Variants in FRMD6 observed in about 807,000 individuals in gnomAD.
FRMD6 encodes FERM domain containing 6, also known as FERM domain-containing protein 6.
A neutral mutation model predicts 73.2 loss-of-function variants in FRMD6; 37 were observed. That is an observed-to-expected ratio of 0.51 (90% CI 0.39 to 0.66). The LOEUF (loss-of-function observed/expected upper bound fraction) is 0.66, where lower values mean the gene tolerates loss of function less well. Among genes scored for constraint, FRMD6 ranks in the 30% least tolerant of loss-of-function variants. The probability of loss-of-function intolerance (pLI) is 0.00; values close to 1 mark genes in which losing one functional copy is unlikely to be tolerated. For missense variants in FRMD6, 714 were observed against 780.5 expected (o/e 0.91, Z 1.02); for synonymous variants, 273 against 282.2 (o/e 0.97, Z 0.33).
At chr14:51,506,901 G>C (rs74052322) in intron 1 of FRMD6, among the ~76,000 whole-genome samples, 1 of 152,012 alleles carries the variant, frequency 6.6e-6, no homozygotes, top group African/African-American at 2.4e-5. Context: ...GTGATGCATC[G>C]TAGAATGAAA....
Position 51,704,937 on chromosome 14 carries a change from T to C in FRMD6, c.558+2T>C. 6.3e-7 allele frequency: 1 copy of C among 1,596,202 alleles called. No individual in the cohort carries two copies. Among genetic ancestry groups the C allele is most frequent in the Non-Finnish European group, 8.6e-7 (1 of 1,166,834 alleles). ...CCAGAGGCTTACTTCCCATCTTGGG[T>C]AAGCACTGTTTTCAAATTCGAAAGA... On this transcript the variant is annotated splice_donor_variant, in intron 6 of 13. Transcript: ENST00000344768. LOFTEE classifies it high-confidence loss of function.
At chr14:51,457,358 A>C in the FRMD6 span, among the ~76,000 whole-genome samples, 1 of 152,206 alleles carries the variant, frequency 6.6e-6, no homozygotes, top group Non-Finnish European at 1.5e-5. Context: ...ACTAGAAAAA[A>C]AAACAACAAA....
At chr14:51,700,087 G>A (rs964983155) in intron 3 of FRMD6, among the ~76,000 whole-genome samples, 3 of 151,886 alleles carry the variant, frequency 2.0e-5, no homozygotes, top group Non-Finnish European at 4.4e-5. Flanking sequence ...GAGTCAAAGT[G>A]TAGCAAAGTG....
chr14:51,646,354 G>C (rs928599592), intron 2 of FRMD6, among the ~76,000 whole-genome samples: 1 of 136,886 alleles, frequency 7.3e-6, no homozygotes, highest in Non-Finnish European at 1.5e-5. Context: ...CCACTGAAGA[G>C]AACCTCAGTG....
At chr14:51,397,789 G>A in the FRMD6 span, among the ~76,000 whole-genome samples, 2 of 152,114 alleles carry the variant, frequency 1.3e-5, no homozygotes, top group African/African-American at 4.8e-5. Context: ...TTTGTTTCGT[G>A]CTTAAGATTA....
intron 6 of FRMD6, among the ~76,000 whole-genome samples, chr14:51,706,345 T>G (rs1828743653): frequency 6.6e-6 from 1 of 152,138 alleles, no homozygotes; most frequent in African/African-American, 2.4e-5. Context: ...CCTGCTTCGG[T>G]CTTTACTCCA....
At position 51,720,013 on chromosome 14, in the gene FRMD6, TC is replaced by T. The variant is rs760011196; in HGVS notation, c.1025-40del. On this transcript the variant is annotated intron_variant, in intron 10 of 13. Transcript: ENST00000344768. ...TGAGTCACTTAAGCTCACCAGCCGT[TC>T]CTTCTGTCTTGGTTAATGAACTGTG... 1.4e-4 allele frequency: 205 copies of T among 1,503,190 alleles called. 1 individual carries two copies. Among genetic ancestry groups the T allele is most frequent in the Non-Finnish European group, 1.7e-4 (190 of 1,103,718 alleles). The allele number at this position is 1,503,190 out of a possible 1,614,324, so 93.1% of individuals were successfully genotyped here.
the FRMD6 span, among the ~76,000 whole-genome samples, chr14:51,428,788 T>C: frequency 1.1e-3 from 173 of 152,190 alleles, no homozygotes; most frequent in Non-Finnish European, 1.6e-3. Flanking sequence ...CTTTTGCCAA[T>C]AGAGAATGGC....
rs181387930 is a variant in FRMD6 at position 51,712,743 on chromosome 14, A to G, written c.849+192A>G. Among the ~76,000 whole-genome samples, 6 of 152,350 alleles carry G rather than the reference A, an allele frequency of 3.9e-5. No individual in the cohort carries two copies. The East Asian group carries it at 7.7e-4, about 20-fold the overall frequency. ...ATGTGCTATAGATTCTTTGTCACACATATCAGTAGTGAACTTAAAATCAAA... is the reference window on the plus strand; with the variant it reads ...ATGTGCTATAGATTCTTTGTCACACGTATCAGTAGTGAACTTAAAATCAAA... On this transcript the variant is annotated intron_variant, in intron 9 of 13. Transcript: ENST00000344768.
the FRMD6 span, among the ~76,000 whole-genome samples, chr14:51,444,661 C>T: frequency 2.0e-5 from 3 of 152,142 alleles, no homozygotes; most frequent in Admixed American, 6.5e-5. Flanking sequence ...CAGGTGAGGT[C>T]GAGAGCCAGC....
upstream of FRMD6, chr14:51,651,873 C>A (rs1263466879): frequency 1.3e-5 from 2 of 148,470 alleles, no homozygotes; most frequent in Non-Finnish European, 3.0e-5. Flanking sequence ...GGGGCGGACG[C>A]GGAGCGCCCC....
At chr14:51,645,100 C>G (rs971584783) in intron 2 of FRMD6, among the ~76,000 whole-genome samples, 1 of 152,128 alleles carries the variant, frequency 6.6e-6, no homozygotes, top group Admixed American at 6.5e-5. Context: ...ATTAGGCTAC[C>G]TTTGAAAATG....
chr14:51,666,780 T>A (rs936865725), intron 1 of FRMD6, among the ~76,000 whole-genome samples: 1 of 152,264 alleles, frequency 6.6e-6, no homozygotes, highest in African/African-American at 2.4e-5. Flanking sequence ...TATTGTTTGG[T>A]ACCTGAGTTG....
At chr14:51,482,674 C>CTGTGTGTGTGTGTG in the FRMD6 span, among the ~76,000 whole-genome samples, 930 of 148,832 alleles carry the variant, frequency 6.2e-3, 3 homozygotes, top group Non-Finnish European at 7.0e-3. Flanking sequence ...TTTGCAGGAA[C>CTGTGTGTGTGTGTG]TGTGTGTGTG....
chr14:51,608,855 A>G (rs1343570768), intron 2 of FRMD6, among the ~76,000 whole-genome samples: 1 of 152,142 alleles, frequency 6.6e-6, no homozygotes, highest in African/African-American at 2.4e-5. Flanking sequence ...CAGCCTATTT[A>G]TTGGGAATCA....
chr14:51,628,800 C>CA (rs764713119), intron 2 of FRMD6, among the ~76,000 whole-genome samples: 11,515 of 51,368 alleles, frequency 0.22, 2,303 homozygotes, highest in Non-Finnish European at 0.27. Context: ...GACTCTGTCT[C>CA]AAAAAAAAAA....
At chr14:51,478,787 C>T in the FRMD6 span, among the ~76,000 whole-genome samples, 33 of 152,256 alleles carry the variant, frequency 2.2e-4, no homozygotes, top group African/African-American at 2.6e-4. Flanking sequence ...TCGGGGACCA[C>T]GAGGAGAAAA....
rs75091686 is a variant in FRMD6, at chr14:51,587,363, T to C, written c.-147+16953T>C. On this transcript the variant is annotated intron_variant, in intron 2 of 14. Coordinates refer to the FRMD6 transcript ENST00000356218. ...CCTCTGAGTGTCACCTCCTCTTAGA[T>C]GGAGTTTAGCTTTATTGAGGGCAGA... Among the ~76,000 whole-genome samples the C allele has an allele frequency of 2.2e-4, 34 of 152,288 alleles. 1 individual carries two copies. The East Asian group carries it at 6.6e-3, about 29-fold the overall frequency.
At chr14:51,610,143 T>C in intron 2 of FRMD6, among the ~76,000 whole-genome samples, 2 of 142,710 alleles carry the variant, frequency 1.4e-5, no homozygotes, top group South Asian at 2.2e-4. Flanking sequence ...CCTAGCTCTC[T>C]TGACCTAGGC....
Sources: gnomAD v4.1 joint callset for allele counts (sites outside exome capture counted in the v4.1 genomes callset) on GRCh38, gnomAD v4.1.1 for gene constraint, MANE v1.5 for transcripts, NCBI Gene and HGNC (gene_info 2026-07-23, HGNC 2026-07-21) for gene names.